ADCY4: variants seen among roughly 807,000 people sequenced by gnomAD.
ADCY4 encodes the protein adenylate cyclase type 4.
Under a neutral mutation model 125.5 loss-of-function variants are expected in ADCY4, and 111 were observed. The ratio of observed to expected loss-of-function variants is 0.88; its 90% CI spans 0.76 to 1.04. The LOEUF (loss-of-function observed/expected upper bound fraction) is 1.04. Among genes scored for constraint, ADCY4 ranks in the 50% least tolerant of loss-of-function variants. ADCY4 has a pLI of 0.00. For synonymous variants in ADCY4, 576 were observed against 586.9 expected, an observed-to-expected ratio of 0.98 and a Z score of 0.27; for missense variants, 1,256 against 1,382.9, an observed-to-expected ratio of 0.91 and a Z score of 1.46.
chr14:24,332,610 G>T lies in ADCY4; in HGVS notation c.431C>A (p.Ala144Glu). The T allele has an allele frequency of 6.3e-7, 1 of 1,579,644 alleles. No individual in the cohort carries two copies. ...ATGCGAGAGTGAGGAGGCGAGGCCCGCGACGGCGGCGTCCCGCATGCCCAA... is the reference window on the plus strand; with the variant it reads ...ATGCGAGAGTGAGGAGGCGAGGCCCTCGACGGCGGCGTCCCGCATGCCCAA... ...LPLGMRDAAV[A>E]GLASSLSHLL... Residue 144 changes from alanine to glutamate, a missense_variant, in exon 3 of 25, where the codon GCG (alanine) becomes GAG (glutamate). Ala to Glu is a moderately radical substitution (Grantham distance 107, BLOSUM62 -1). Transcript: ENST00000418030.
At chr14:24,326,210 C>G (rs371686168) in intron 11 of ADCY4, 45 bp from the exon 12 acceptor site, 3 of 1,612,350 alleles carry the variant, frequency 1.9e-6, no homozygotes, top group Non-Finnish European at 1.7e-6. Context: ...ACCCTCAGAG[C>G]GTCTGGGCAA....
intron 1 of ADCY4, among the ~76,000 whole-genome samples, chr14:24,334,136 C>G: frequency 6.6e-6 from 1 of 152,166 alleles, no homozygotes; most frequent in Non-Finnish European, 1.5e-5. Context: ...CTCTACATCC[C>G]CTAAGAGGGA....
chr14:24,321,140 G>A (rs1053281993), intron 20 of ADCY4, among the ~76,000 whole-genome samples: 2 of 149,864 alleles, frequency 1.3e-5, no homozygotes, highest in African/African-American at 4.9e-5. Flanking sequence ...TTTAGGCCGG[G>A]TGCGGTGCGC....
In ADCY4 at chr14:24,332,935, G is replaced by T; in HGVS notation, c.213C>A (p.Gly71=). ...FLTTVLCALG[G]FSLLLGLASR... is the part of the protein sequence containing the mutation. The stretch of plus-strand genomic sequence containing the variant: ...AAGCGAGGCCCAGCAGCAGCGAGAA[G>T]CCGCCCAGCGCGCACAGCACAGTGG... The change falls in exon 2 of 25, where the codon GGC becomes GGA. Residue 71 remains glycine (G), a synonymous_variant. Transcript: ENST00000418030. 1 of 1,593,842 alleles carries T rather than the reference G, an allele frequency of 6.3e-7. No individual in the cohort carries two copies. The highest frequency in any genetic ancestry group is 8.6e-7 in the Non-Finnish European group (1 of 1,168,912).
At chr14:24,323,269 T>G in intron 17 of ADCY4, 75 bp downstream of exon 17, 1 of 1,455,334 alleles carries the variant, frequency 6.9e-7, no homozygotes, top group Middle Eastern at 1.7e-4. Context: ...GGAGCGTTCC[T>G]CCACTCAGGG....
At chr14:24,323,160 C>T (rs914296630) in intron 17 of ADCY4, 72 bp from the exon 18 acceptor site, 55 of 1,532,660 alleles carry the variant, frequency 3.6e-5, no homozygotes, top group Non-Finnish European at 4.7e-5. Flanking sequence ...GGGCTCCCTT[C>T]CTGTCCCTCC....
At position 24,334,550 on chromosome 14, in the gene ADCY4, C is replaced by CCAG. The variant is rs770683845; in HGVS notation, c.100_102dup (p.Leu34dup). On this transcript the variant is annotated inframe_insertion, in exon 1 of 25. Coordinates refer to ENST00000418030, the MANE Select transcript of ADCY4 (RefSeq NM_001198568.2). Reference sequence around the variant, plus strand: ...GCCGCGAGCGCACAGAGCACGATCCCCAGCAGCAGCAGCAGCAGCGGGTAC... The same window carrying CCAG: ...GCCGCGAGCGCACAGAGCACGATCCCCAGCAGCAGCAGCAGCAGCAGCGGGTAC... 5.1e-5 allele frequency: 81 copies of CCAG among 1,582,720 alleles called. No homozygotes were observed. Among genetic ancestry groups the CCAG allele is most frequent in the South Asian group, 1.7e-4 (15 of 87,644 alleles).
chr14:24,332,443 C>G, intron 3 of ADCY4, 79 bp downstream of exon 3: 5 of 1,469,344 alleles, frequency 3.4e-6, no homozygotes, highest in Non-Finnish European at 4.6e-6. Context: ...GGAGTCACAG[C>G]TCAACAACCC....
In ADCY4 at chr14:24,318,582, G is replaced by A. The variant is rs77376311; in HGVS notation, c.3082-14C>T. ...CTCCTCAGTCACCTACAATTGGAGGGGGGCGAGGGAATATGGAGGTGGCCC... is the reference window on the plus strand; with the variant it reads ...CTCCTCAGTCACCTACAATTGGAGGAGGGCGAGGGAATATGGAGGTGGCCC... On this transcript the variant is annotated splice_polypyrimidine_tract_variant and intron_variant, in intron 24 of 24. Transcript: ENST00000418030. The A allele has an allele frequency of 4.2e-4, 670 of 1,614,010 alleles. No individual in the cohort carries two copies. The highest frequency in any genetic ancestry group is 4.1e-4 in the Non-Finnish European group (484 of 1,180,008).
chr14:24,322,108 T>C lies in ADCY4; in HGVS notation c.2544A>G (p.Ala848=), dbSNP rs1201761161. The part of the protein sequence containing the change: ...TRLLLENVLP[A]HVAPQFIGQN... Reference sequence around the variant, plus strand: ...GGCCAATGAACTGGGGGGCCACGTGTGCAGGGAGCACGTTCTCCAAGAGCA... The same window carrying C: ...GGCCAATGAACTGGGGGGCCACGTGCGCAGGGAGCACGTTCTCCAAGAGCA... Residue 848 remains alanine (A), a synonymous_variant, in exon 20 of 25, where the codon GCA becomes GCG. Coordinates refer to ENST00000418030, the MANE Select transcript of ADCY4 (RefSeq NM_001198568.2). 1 of 1,613,992 alleles carries C rather than the reference T, an allele frequency of 6.2e-7. No homozygotes were observed.
Position 24,329,881 on chromosome 14 carries a change from A to G in ADCY4, c.1196T>C (p.Met399Thr). 1 of 1,613,980 alleles carries G rather than the reference A, an allele frequency of 6.2e-7. No individual in the cohort carries two copies. Among genetic ancestry groups the G allele is most frequent in the Non-Finnish European group, 8.5e-7 (1 of 1,179,930 alleles). ...WSHDVTLANH[M>T]EAGGVPGRVH... ...TCACCCTGGTACACCGCCTGCCTCCATGTGGTTAGCCAGTGTGACATCATG... is the reference window on the plus strand; with the variant it reads ...TCACCCTGGTACACCGCCTGCCTCCGTGTGGTTAGCCAGTGTGACATCATG... The change falls in exon 8 of 25, where the codon ATG (methionine) becomes ACG (threonine). Residue 399 changes from methionine to threonine, a missense_variant. Transcript: ENST00000418030.
chr14:24,334,628 G>T lies in ADCY4; in HGVS notation c.25C>A (p.Pro9Thr). The T allele has an allele frequency of 6.4e-7, 1 of 1,554,414 alleles. No homozygotes were observed. The highest frequency in any genetic ancestry group is 2.4e-5 in the East Asian group (1 of 41,574). The change falls in exon 1 of 25, where the codon CCG (proline) becomes ACG (threonine). Residue 9 changes from proline (P) to threonine (T), a missense_variant. Pro to Thr is a conservative substitution (Grantham distance 38). Coordinates refer to ENST00000418030, the MANE Select transcript of ADCY4 (RefSeq NM_001198568.2). MARLFSPRPPPSEDLFYET... is the reference protein window; with the variant it reads MARLFSPRTPPSEDLFYET... ...TAGAAGAGGTCTTCGCTGGGGGGCGGCCGGGGGCTGAAGAGGCGGGCCATG... is the reference window on the plus strand; with the variant it reads ...TAGAAGAGGTCTTCGCTGGGGGGCGTCCGGGGGCTGAAGAGGCGGGCCATG...
In ADCY4 at chr14:24,318,387, AT is replaced by A. The variant is rs1289553740; in HGVS notation, c.*28del. 6.2e-7 allele frequency: 1 copy of A among 1,610,344 alleles called. No individual in the cohort carries two copies. The highest frequency in any genetic ancestry group is 8.5e-7 in the Non-Finnish European group (1 of 1,177,814). ...GCTCCAGACACCCCAGAGTCTCTTT[AT>A]TGAGGTTCTTAGAAGGCGAGTGCAA... On this transcript the variant is annotated 3_prime_UTR_variant, in exon 25 of 25. Transcript: ENST00000418030.
intron 14 of ADCY4, among the ~76,000 whole-genome samples, chr14:24,324,649 C>T (rs1391100533): frequency 4.0e-5 from 6 of 150,684 alleles, no homozygotes; most frequent in East Asian, 3.9e-4. Context: ...GCTGAGGCTA[C>T]GGCAGACTGA....
intron 3 of ADCY4, 21 bp downstream of exon 3, chr14:24,332,501 C>A: frequency 6.4e-7 from 1 of 1,554,740 alleles, no homozygotes; most frequent in Non-Finnish European, 8.7e-7. Context: ...TGAGCGCAGC[C>A]TGTGCTACTT....
chr14:24,318,888 GGGT>G, intron 23 of ADCY4, 110 bp from the exon 24 acceptor site: 1 of 1,460,912 alleles, frequency 6.8e-7, no homozygotes, highest in Non-Finnish European at 9.4e-7. Context: ...AGGAGAGGAG[GGGT>G]CTCTAAGGGC....
intron 13 of ADCY4, 86 bp downstream of exon 13, chr14:24,325,732 G>A: frequency 1.4e-6 from 2 of 1,474,508 alleles, no homozygotes; most frequent in Non-Finnish European, 1.9e-6. Context: ...AGCAGACTTG[G>A]GGAGGAGACC....
intron 8 of ADCY4, 122 bp downstream of exon 8, chr14:24,329,738 C>T (rs2042010432): frequency 2.0e-6 from 3 of 1,472,574 alleles, no homozygotes; most frequent in African/African-American, 2.8e-5. Context: ...TCCCAAGCCC[C>T]ATATGGGACT....
rs1594647002 is a variant in ADCY4, at chr14:24,319,565, A to G, written c.2734-129T>C. The G allele has an allele frequency of 8.1e-7, 1 of 1,239,448 alleles. No individual in the cohort carries two copies. Among genetic ancestry groups the G allele is most frequent in the Non-Finnish European group, 1.2e-6 (1 of 866,906 alleles). The allele number at this position is 1,239,448 out of a possible 1,614,324, so 76.8% of individuals were successfully genotyped here. A position where few individuals can be genotyped will look rare whatever the true frequency, so the allele number is the denominator to read the frequency against. On this transcript the variant is annotated intron_variant, in intron 21 of 24. Transcript: ENST00000418030. This position sits in a 1 kb window ranked among gnomAD's most constrained non-coding sequence, Gnocchi z 4.5. ...GAGTGGAGATAGTGTCAGGAAGGAG[A>G]GGGTTGGTGGTGGGCAGTGTTGCTG...
Sources: gnomAD v4.1 joint callset for allele counts (sites outside exome capture counted in the v4.1 genomes callset) on GRCh38, gnomAD v4.1.1 for gene constraint, Gnocchi (gnomAD v3.1) non-coding constraint, MANE v1.5 for transcripts, NCBI Gene and HGNC (gene_info 2026-07-23, HGNC 2026-07-21) for gene names.